The following DUOX2 variants were observed in gnomAD, a reference collection of about 807,000 sequenced individuals.
DUOX2 encodes the protein dual oxidase 2, also known as NADH/NADPH thyroid oxidase p138-tox.
In DUOX2, 185 loss-of-function variants were observed where a neutral mutation model predicts 183.3. The ratio of observed to expected loss-of-function variants is 1.01; its 90% confidence interval spans 0.90 to 1.14. The LOEUF (loss-of-function observed/expected upper bound fraction) is 1.14, where lower values mean the gene tolerates loss of function less well. Among genes scored for constraint, DUOX2 ranks in the 50% most tolerant of loss-of-function variants. The pLI is 0.00. For synonymous variants in DUOX2, 788 were observed against 812.4 expected, an observed-to-expected ratio of 0.97 and a Z score of 0.51; for missense variants, 1,999 against 2,022.9, an observed-to-expected ratio of 0.99 and a Z score of 0.23.
In DUOX2 at chr15:45,111,655, G is replaced by A. The variant is rs944187356; in HGVS notation, c.514-70C>T. The A allele has an allele frequency of 1.0e-5, 15 of 1,446,898 alleles. No individual in the cohort carries two copies. The African/African-American group carries it at 1.4e-4, about 13-fold the overall frequency. 89.6% of individuals were successfully genotyped at this position (1,446,898 alleles called of 1,614,324 possible). On this transcript the variant is annotated intron_variant, in intron 5 of 33. Transcript: ENST00000389039. ...GGGCCAGGGAAGGCCGGGGCCCGGC[G>A]GGTGTCCGCGGCTGGGGAGTGGGCG... is the stretch of plus-strand genomic sequence containing the variant.
Position 45,094,020 on chromosome 15 carries a change from G to C in DUOX2, c.*130C>G. ...TGGGTCAATATTCTCCCAATATTGG[G>C]AGGGGCTCTGCAGCCCTCCAGCTGA... On this transcript the variant is annotated 3_prime_UTR_variant, in exon 34 of 34. Transcript: ENST00000389039. 8.2e-7 allele frequency: 1 copy of C among 1,226,836 alleles called. No individual in the cohort carries two copies. The allele number at this position is 1,226,836 out of a possible 1,614,324, so 76.0% of individuals were successfully genotyped here.
rs1461863873 is a variant in DUOX2, at chr15:45,108,869, T to C, written c.1318A>G (p.Ser440Gly). 6.2e-7 allele frequency: 1 copy of C among 1,614,214 alleles called. No homozygotes were observed. The highest frequency in any genetic ancestry group is 8.5e-7 in the Non-Finnish European group (1 of 1,180,030). The change falls in exon 12 of 34, where the codon AGC becomes GGC. Residue 440 changes from serine to glycine, a missense_variant. Ser to Gly is a moderately conservative substitution (Grantham distance 56). Coordinates refer to ENST00000389039, the MANE Select transcript of DUOX2 (RefSeq NM_001363711.2). ...IQRGRDMGLP[S>G]YSQALLAFGL... ...AAGGCCAGCAGGGCCTGGCTATAGC[T>C]GGGCAGCCCCATATCTCGGCCACGT...
Position 45,106,931 on chromosome 15 carries a change from C to A in DUOX2, c.1732G>T (p.Gly578Cys), listed in dbSNP as rs200194628. 6.3e-7 allele frequency: 1 copy of A among 1,580,186 alleles called. No individual in the cohort carries two copies. Among genetic ancestry groups the A allele is most frequent in the Non-Finnish European group, 8.6e-7 (1 of 1,163,428 alleles). Reference protein sequence around the residue: ...CPQPKQLTTDGLPQCAPLTVL... With the variant: ...CPQPKQLTTDCLPQCAPLTVL... ...GTCAGGGGTGCACACTGGGGCAGGCCGTCAGTTGTGAGCTGCTTAGGTTGA... is the reference window on the plus strand; with the variant it reads ...GTCAGGGGTGCACACTGGGGCAGGCAGTCAGTTGTGAGCTGCTTAGGTTGA... The change falls in exon 15 of 34, where the codon GGC (glycine) becomes TGC (cysteine). Residue 578 changes from glycine (G) to cysteine (C), a missense_variant. Physicochemically the swap from Gly to Cys is radical, Grantham distance 159. Coordinates refer to ENST00000389039, the MANE Select transcript of DUOX2 (RefSeq NM_001363711.2).
chr15:45,096,212 G>A (rs1250971169), intron 29 of DUOX2, 152 bp from the exon 30 acceptor site: 4 of 715,148 alleles, frequency 5.6e-6, no homozygotes, highest in African/African-American at 1.8e-5. Context: ...GAGTAGGAGG[G>A]TCCCCTTCTC....
Position 45,094,390 on chromosome 15 carries a change from G to A in DUOX2, c.4525-118C>T, listed in dbSNP as rs1211457358. 2.6e-6 allele frequency: 4 copies of A among 1,564,082 alleles called. No individual in the cohort carries two copies. The South Asian group carries it at 3.5e-5, about 14-fold the overall frequency. Reference sequence around the variant, plus strand: ...TAAGGCTTCAAGCCCAGGCCTTGAGGAGGAGGCTTAACGTGGAGGGGGTGG... The same window carrying A: ...TAAGGCTTCAAGCCCAGGCCTTGAGAAGGAGGCTTAACGTGGAGGGGGTGG... On this transcript the variant is annotated intron_variant, in intron 33 of 33. Coordinates refer to ENST00000389039, the MANE Select transcript of DUOX2 (RefSeq NM_001363711.2).
In DUOX2 at chr15:45,105,995, C is replaced by T. The variant is rs1358806635; in HGVS notation, c.2148+130G>A. ...GGGGTCAGGTTGTGTCTGGGGGCCT[C>T]TGAAAGGAGCCCCTCTCCCCAGCAT... On this transcript the variant is annotated intron_variant, in intron 17 of 33. Coordinates refer to ENST00000389039, the MANE Select transcript of DUOX2 (RefSeq NM_001363711.2). The T allele has an allele frequency of 2.2e-6, 3 of 1,388,936 alleles. No individual in the cohort carries two copies. The East Asian group carries it at 7.4e-5, about 34-fold the overall frequency. The allele number at this position is 1,388,936 out of a possible 1,614,324, so 86.0% of individuals were successfully genotyped here.
At chr15:45,096,311 C>T (rs79092309) in intron 29 of DUOX2, among the ~76,000 whole-genome samples, 10 of 152,252 alleles carry the variant, frequency 6.6e-5, no homozygotes, top group Non-Finnish European at 1.3e-4. Context: ...CATGGAAGGC[C>T]CAGGCCTCAT....
intron 13 of DUOX2, 39 bp downstream of exon 13, chr15:45,108,008 T>C (rs763220494): frequency 1.2e-6 from 2 of 1,613,114 alleles, no homozygotes; most frequent in Non-Finnish European, 1.7e-6. Context: ...GGGCTCAGGC[T>C]GAGGAGCAGT....
intron 4 of DUOX2, among the ~76,000 whole-genome samples, chr15:45,112,170 T>G (rs1403189119): frequency 6.6e-6 from 1 of 152,142 alleles, no homozygotes. Context: ...ATAAAGCTGT[T>G]GTGAGAATCA....
At chr15:45,104,948 G>A (rs1469335142) in intron 18 of DUOX2, among the ~76,000 whole-genome samples, 1 of 152,162 alleles carries the variant, frequency 6.6e-6, no homozygotes, top group Admixed American at 6.5e-5. Context: ...AGCCTCCCAA[G>A]TAGCTGGGAT....
In DUOX2 at chr15:45,094,290, A is replaced by C. The variant is rs1893840101; in HGVS notation, c.4525-18T>G. Reference sequence around the variant, plus strand: ...TTGCGCACCTGTCAGGAGATTGGAGAGAGAGAGGGGCCTGCAGCCTAAAGG... The same window carrying C: ...TTGCGCACCTGTCAGGAGATTGGAGCGAGAGAGGGGCCTGCAGCCTAAAGG... On this transcript the variant is annotated intron_variant, in intron 33 of 33. Transcript: ENST00000389039. 4 of 1,613,870 alleles carry C rather than the reference A, an allele frequency of 2.5e-6. No individual in the cohort carries two copies. In the African/African-American group the frequency reaches 5.3e-5, roughly 22 times the overall value.
chr15:45,108,660 G>A (rs1941183748), intron 12 of DUOX2, 129 bp downstream of exon 12: 1 of 1,093,548 alleles, frequency 9.1e-7, no homozygotes, highest in Non-Finnish European at 1.4e-6. Context: ...TCAGTAAAAT[G>A]GGGAAAATGA....
In DUOX2 at chr15:45,100,557, C is replaced by A. The variant is rs1336978126; in HGVS notation, c.3005+198G>T. 4.6e-6 allele frequency: 3 copies of A among 656,476 alleles called. No individual in the cohort carries two copies. The East Asian group carries it at 8.1e-5, about 18-fold the overall frequency. The allele number at this position is 656,476 out of a possible 1,614,324, so 40.7% of individuals were successfully genotyped here. A position where few individuals can be genotyped will look rare whatever the true frequency, so the allele number is the denominator to read the frequency against. ...TACTATCATCCTGTTGAGCCAGGAC[C>A]CTTGCCTGAAGAATGGGGTGCAGAG... On this transcript the variant is annotated intron_variant, in intron 23 of 33. Coordinates refer to ENST00000389039, the MANE Select transcript of DUOX2 (RefSeq NM_001363711.2).
At chr15:45,104,484 G>T in intron 18 of DUOX2, 119 bp from the exon 19 acceptor site, 1 of 1,341,726 alleles carries the variant, frequency 7.5e-7, no homozygotes, top group South Asian at 1.3e-5. Flanking sequence ...AACTCTGATG[G>T]TTCTCCTGAT....
At chr15:45,100,260 G>C in intron 23 of DUOX2, 32 bp from the exon 24 acceptor site, 1 of 1,603,462 alleles carries the variant, frequency 6.2e-7, no homozygotes. Context: ...CAGCAGTGTG[G>C]TAAGGGCCCT....
chr15:45,106,386 A>G, intron 16 of DUOX2, 59 bp from the exon 17 acceptor site: 1 of 1,604,648 alleles, frequency 6.2e-7, no homozygotes. Context: ...CCCCGCCTTC[A>G]GGTCAATTCC....
At chr15:45,105,322 T>C (rs776554810) in intron 18 of DUOX2, among the ~76,000 whole-genome samples, 10 of 152,258 alleles carry the variant, frequency 6.6e-5, no homozygotes, top group Non-Finnish European at 1.2e-4. Flanking sequence ...CAGGTGAGGC[T>C]GATGCTCTCG....
rs1893807796 is a variant in DUOX2 at position 45,093,305 on chromosome 15, A to T, written c.*845T>A. ...GGGGAATTGAGATCGAGTACTGAAT[A>T]TCTGGCAGAGAGGCTGGAATCCTTC... On this transcript the variant is annotated 3_prime_UTR_variant, in exon 34 of 34. Transcript: ENST00000389039. 1 of 152,252 alleles carries T rather than the reference A, an allele frequency of 6.6e-6. No individual in the cohort carries two copies. The highest frequency in any genetic ancestry group is 1.5e-5 in the Non-Finnish European group (1 of 68,128). 9.4% of individuals were successfully genotyped at this position (152,252 alleles called of 1,614,324 possible). A position where few individuals can be genotyped will look rare whatever the true frequency, so the allele number is the denominator to read the frequency against.
chr15:45,102,739 T>C (rs1246552710), intron 20 of DUOX2, among the ~76,000 whole-genome samples: 3 of 152,116 alleles, frequency 2.0e-5, no homozygotes, highest in East Asian at 3.9e-4. Flanking sequence ...CCTAGCACTT[T>C]AGGAGGCTGA....
Sources: allele counts gnomAD v4.1 joint callset (sites outside exome capture counted in the v4.1 genomes callset), GRCh38; gene constraint gnomAD v4.1.1; transcripts MANE v1.5; gene names NCBI Gene and HGNC (gene_info 2026-07-23, HGNC 2026-07-21).